Variants in FAF1 observed in about 807,000 individuals in gnomAD.
The protein encoded by FAF1 is FAS-associated factor 1.
Under a neutral mutation model 92.5 loss-of-function variants are expected in FAF1, and 25 were observed. The observed-to-expected ratio is 0.27, with a 90% CI of 0.20 to 0.38. The LOEUF is 0.38. Among genes scored for constraint, FAF1 ranks in the 10% least tolerant of loss-of-function variants. FAF1 has a pLI of 1.00. For synonymous variants in FAF1, 234 were observed against 273.2 expected, an observed-to-expected ratio of 0.86 and a Z score of 1.42; for missense variants, 636 against 793.3, an observed-to-expected ratio of 0.80 and a Z score of 2.38.
rs538344617 is a variant in FAF1, at chr1:50,769,835, G to A, written c.367+18165C>T. ...GGAAGCCAAGGCAGGTGGATCACTT[G>A]GGGTCAGGAGTTTGAGACCAGCCTG... is the stretch of plus-strand genomic sequence containing the variant. On this transcript the variant is annotated intron_variant, in intron 4 of 18. Coordinates refer to ENST00000396153, the MANE Select transcript of FAF1 (RefSeq NM_007051.3). Among the ~76,000 whole-genome samples, 13 of 152,226 alleles carry A rather than the reference G, an allele frequency of 8.5e-5. No homozygotes were observed. In the South Asian group the frequency reaches 2.7e-3, roughly 32 times the overall value.
rs1002694678 is a variant in FAF1 at position 50,915,263 on chromosome 1, G to C, written c.45+44504C>G. Among the ~76,000 whole-genome samples the C allele has an allele frequency of 6.6e-5, 10 of 152,032 alleles. 1 individual carries two copies. In the South Asian group the frequency reaches 2.1e-3, roughly 32 times the overall value. On this transcript the variant is annotated intron_variant, in intron 1 of 18. Coordinates refer to ENST00000396153, the MANE Select transcript of FAF1 (RefSeq NM_007051.3). ...TACATGCCTGTAATCCCGGCTACTT[G>C]GGAGGCTGAGGCACGAGAATCGCTT...
At chr1:50,853,107 A>G (rs1644363966) in intron 2 of FAF1, among the ~76,000 whole-genome samples, 1 of 152,168 alleles carries the variant, frequency 6.6e-6, no homozygotes, top group African/African-American at 2.4e-5. Flanking sequence ...ATCAATGGTT[A>G]GTCTATTCAT....
chr1:50,670,448 A>G (rs1034825766), intron 7 of FAF1, among the ~76,000 whole-genome samples: 1 of 152,114 alleles, frequency 6.6e-6, no homozygotes, highest in African/African-American at 2.4e-5. Context: ...CAATATATTG[A>G]TATTACTTAA....
At chr1:50,513,568 C>T (rs1647166629) in intron 15 of FAF1, among the ~76,000 whole-genome samples, 1 of 152,158 alleles carries the variant, frequency 6.6e-6, no homozygotes, top group Admixed American at 6.5e-5. Flanking sequence ...ATTTGGTTTC[C>T]ATTCTGCAAA....
At chr1:50,880,534 G>A (rs186593511) in intron 1 of FAF1, among the ~76,000 whole-genome samples, 6 of 152,258 alleles carry the variant, frequency 3.9e-5, no homozygotes, top group Admixed American at 3.3e-4. Context: ...TAGAGAACTC[G>A]TACACTATCT....
chr1:50,726,775 G>C (rs1440581132), intron 6 of FAF1, among the ~76,000 whole-genome samples: 4 of 152,178 alleles, frequency 2.6e-5, no homozygotes, highest in African/African-American at 9.7e-5. Context: ...CTTGTAGTGA[G>C]CTGAGATCAC....
At chr1:50,518,847 G>A (rs1184342791) in intron 15 of FAF1, among the ~76,000 whole-genome samples, 1 of 152,174 alleles carries the variant, frequency 6.6e-6, no homozygotes, top group Non-Finnish European at 1.5e-5. Context: ...AAACTGCCAT[G>A]AAACTGTTTA....
At chr1:50,650,158 C>T (rs1196506187) in intron 8 of FAF1, among the ~76,000 whole-genome samples, 2 of 151,576 alleles carry the variant, frequency 1.3e-5, no homozygotes, top group Non-Finnish European at 2.9e-5. Flanking sequence ...GTGGTGCATG[C>T]CTGTAATCCC....
intron 1 of FAF1, among the ~76,000 whole-genome samples, chr1:50,861,628 C>T (rs1198045789): frequency 6.6e-6 from 1 of 151,722 alleles, no homozygotes; most frequent in Non-Finnish European, 1.5e-5. Context: ...GATAGGTACA[C>T]TAAAAGCCCA....
intron 1 of FAF1, among the ~76,000 whole-genome samples, chr1:50,940,682 T>C (rs1645125506): frequency 6.6e-6 from 1 of 152,354 alleles, no homozygotes; most frequent in Non-Finnish European, 1.5e-5. Flanking sequence ...ACTAACATAA[T>C]TATTTACAGG....
chr1:50,947,746 A>G (rs569123473), intron 1 of FAF1, among the ~76,000 whole-genome samples: 1 of 152,368 alleles, frequency 6.6e-6, no homozygotes, highest in Admixed American at 6.5e-5. Context: ...GTACTTCTCT[A>G]TATATGCATC....
chr1:50,899,983 T>C (rs1468194391), intron 1 of FAF1, among the ~76,000 whole-genome samples: 2 of 152,218 alleles, frequency 1.3e-5, no homozygotes, highest in East Asian at 3.8e-4. Context: ...GAAGAAATAG[T>C]CTATGCTTTG....
chr1:50,504,219 T>C (rs1414125374), intron 15 of FAF1, among the ~76,000 whole-genome samples: 1 of 147,718 alleles, frequency 6.8e-6, no homozygotes, highest in Non-Finnish European at 1.5e-5. Flanking sequence ...GACAGAGAAG[T>C]TAAGAGATGT....
chr1:50,862,119 A>C (rs186381893), intron 1 of FAF1, among the ~76,000 whole-genome samples: 1 of 151,898 alleles, frequency 6.6e-6, no homozygotes, highest in East Asian at 1.9e-4. Context: ...AAAAAAACAC[A>C]TGGGAATGAG....
At chr1:50,620,264 A>C (rs546974313) in intron 8 of FAF1, among the ~76,000 whole-genome samples, 1 of 152,080 alleles carries the variant, frequency 6.6e-6, no homozygotes, top group Non-Finnish European at 1.5e-5. Context: ...CATTGTTTTA[A>C]ATTTTTTCTT....
intron 15 of FAF1, among the ~76,000 whole-genome samples, chr1:50,526,082 T>C (rs1647784489): frequency 6.6e-6 from 1 of 152,216 alleles, no homozygotes; most frequent in Non-Finnish European, 1.5e-5. Context: ...AGAAGGTAAT[T>C]GATATCGTTT....
chr1:50,761,943 T>C (rs1388877456), intron 4 of FAF1, among the ~76,000 whole-genome samples: 10 of 152,134 alleles, frequency 6.6e-5, no homozygotes, highest in South Asian at 4.2e-4. Flanking sequence ...GAAAACCCCA[T>C]TGTCTCAGCC....
chr1:50,860,524 A>C (rs571227331), intron 1 of FAF1, among the ~76,000 whole-genome samples: 55 of 152,096 alleles, frequency 3.6e-4, no homozygotes, highest in Admixed American at 1.1e-3. Context: ...ATCACAGAGA[A>C]ATGCAAATCA....
intron 13 of FAF1, among the ~76,000 whole-genome samples, chr1:50,555,107 A>G (rs1448647145): frequency 6.6e-6 from 1 of 152,010 alleles, no homozygotes; most frequent in Non-Finnish European, 1.5e-5. Context: ...AGTCCCAGCT[A>G]CTTCAGTCAG....
Sources: allele counts gnomAD v4.1 joint callset (sites outside exome capture counted in the v4.1 genomes callset), GRCh38; gene constraint gnomAD v4.1.1; transcripts MANE v1.5; gene names NCBI Gene and HGNC (gene_info 2026-07-23, HGNC 2026-07-21).